The following CFAP53 variants were observed in gnomAD, a reference collection of about 807,000 sequenced individuals.
CFAP53 encodes the protein cilia- and flagella-associated protein 53.
CFAP53 carries 62 observed loss-of-function variants against 59.7 expected under a neutral mutation model. That is an observed-to-expected ratio of 1.04 (90% CI 0.85 to 1.28). CFAP53 has a LOEUF of 1.28. Ranked by LOEUF, CFAP53 falls within the 50% of genes most tolerant of loss-of-function variation. The pLI is 0.00. For synonymous variants in CFAP53, 218 were observed against 205.7 expected, an observed-to-expected ratio of 1.06 and a Z score of -0.51; for missense variants, 629 against 615.6, an observed-to-expected ratio of 1.02 and a Z score of -0.23.
In CFAP53 at chr18:50,239,185, C is replaced by T. The variant is rs1273655021; in HGVS notation, c.1214-480G>A. Among the ~76,000 whole-genome samples the T allele has an allele frequency of 3.3e-5, 5 of 151,562 alleles. No homozygotes were observed. In the East Asian group the frequency reaches 7.7e-4, roughly 23 times the overall value. On this transcript the variant is annotated intron_variant, in intron 6 of 7. Coordinates refer to ENST00000398545, the MANE Select transcript of CFAP53 (RefSeq NM_145020.5). The stretch of plus-strand genomic sequence containing the variant: ...GGTGGGTCACCTGAGGTCAGGAGTT[C>T]GAGACCAGCCCGGCCAACATGGTGA...
intron 3 of CFAP53, among the ~76,000 whole-genome samples, chr18:50,258,857 C>T (rs377244889): frequency 1.3e-4 from 20 of 152,262 alleles, no homozygotes; most frequent in African/African-American, 4.6e-4. Flanking sequence ...TGAAAAGGTG[C>T]CCAACATCAC....
intron 7 of CFAP53, among the ~76,000 whole-genome samples, chr18:50,235,130 C>G (rs1473159344): frequency 6.6e-6 from 1 of 152,120 alleles, no homozygotes; most frequent in Admixed American, 6.6e-5. Context: ...TAGCAAAAAA[C>G]TTTAGAAAAG....
At chr18:50,256,441 T>A (rs2033847445) in intron 3 of CFAP53, 1 of 152,174 alleles carries the variant, frequency 6.6e-6, no homozygotes, top group Non-Finnish European at 1.5e-5. Flanking sequence ...CCTGTAGAAC[T>A]CAGTTATCCA....
chr18:50,238,598 C>T lies in CFAP53; in HGVS notation c.1316+5G>A. ...CAAATGATGATACAGAAAACAAAAT[C>T]ATACCTTGCAAAATTCTCCTTCTCT... On this transcript the variant is annotated splice_donor_5th_base_variant and intron_variant, in intron 7 of 7. Transcript: ENST00000398545. The T allele has an allele frequency of 2.5e-6, 4 of 1,603,154 alleles. No homozygotes were observed. The highest frequency in any genetic ancestry group is 3.4e-6 in the Non-Finnish European group (4 of 1,173,258).
At chr18:50,261,003 C>T in intron 3 of CFAP53, 61 bp downstream of exon 3, 3 of 1,523,068 alleles carry the variant, frequency 2.0e-6, no homozygotes, top group Non-Finnish European at 2.7e-6. Context: ...AATTAGCATT[C>T]TTAAATCTAT....
chr18:50,227,767 T>C (rs1206244002), intron 7 of CFAP53, among the ~76,000 whole-genome samples, 158 bp from the exon 8 acceptor site: 1 of 152,084 alleles, frequency 6.6e-6, no homozygotes. Flanking sequence ...AATAATGGGT[T>C]TCTTACATAA....
At position 50,232,441 on chromosome 18, in the gene CFAP53, C is replaced by T. The variant is rs946389263; in HGVS notation, c.1317-4832G>A. Among the ~76,000 whole-genome samples, 9 of 152,164 alleles carry T rather than the reference C, an allele frequency of 5.9e-5. No homozygotes were observed. The South Asian group carries it at 1.4e-3, about 24-fold the overall frequency. On this transcript the variant is annotated intron_variant, in intron 7 of 7. Transcript: ENST00000398545. ...GCTCAACTGTTGGCTGCTTTACAAG[C>T]CCCAGCCCCTCCAGGTTTCCCTAAA...
chr18:50,249,265 C>A (rs886403637), intron 5 of CFAP53, among the ~76,000 whole-genome samples: 2 of 140,258 alleles, frequency 1.4e-5, no homozygotes, highest in Non-Finnish European at 3.1e-5. Context: ...TGCCTGTAAA[C>A]ACAACACTTT....
At chr18:50,228,934 T>C (rs1467238927) in intron 7 of CFAP53, among the ~76,000 whole-genome samples, 5 of 151,690 alleles carry the variant, frequency 3.3e-5, no homozygotes, top group African/African-American at 7.3e-5. Context: ...ACCTGATCTG[T>C]ACAAAAAAAT....
intron 6 of CFAP53, 67 bp from the exon 7 acceptor site, chr18:50,238,772 G>A (rs2033661153): frequency 8.8e-7 from 1 of 1,140,510 alleles, no homozygotes; most frequent in African/African-American, 1.5e-5. Flanking sequence ...ATCTTTCTGG[G>A]CACCAGAGTC....
At position 50,227,592 on chromosome 18, in the gene CFAP53, T is replaced by C; in HGVS notation, c.1334A>G (p.Gln445Arg). The C allele has an allele frequency of 6.2e-7, 1 of 1,614,066 alleles. No homozygotes were observed. Among genetic ancestry groups the C allele is most frequent in the East Asian group, 2.2e-5 (1 of 44,888 alleles). Residue 445 changes from glutamine to arginine, a missense_variant, in exon 8 of 8, where the codon CAG becomes CGG. Coordinates refer to ENST00000398545, the MANE Select transcript of CFAP53 (RefSeq NM_145020.5). ...ENFARRQRLAQEYRKQLQMQI... is the reference protein window; with the variant it reads ...ENFARRQRLAREYRKQLQMQI... ...CATCTGAAGTTGCTTCCTGTACTCC[T>C]GGGCTAAACGTTGGCGTCTAAAGTA...
chr18:50,244,583 T>C (rs963435014), intron 5 of CFAP53, among the ~76,000 whole-genome samples: 2 of 152,140 alleles, frequency 1.3e-5, no homozygotes, highest in Non-Finnish European at 1.5e-5. Flanking sequence ...AATATAAGAC[T>C]GGAGCAGAAA....
In CFAP53 at chr18:50,243,155, G is replaced by T. The variant is rs773821184; in HGVS notation, c.997-39C>A. The T allele has an allele frequency of 2.0e-5, 29 of 1,469,338 alleles. No homozygotes were observed. The Admixed American group carries it at 3.4e-4, about 17-fold the overall frequency. The allele number at this position is 1,469,338 out of a possible 1,614,324, so 91.0% of individuals were successfully genotyped here. On this transcript the variant is annotated intron_variant, in intron 5 of 7. Coordinates refer to ENST00000398545, the MANE Select transcript of CFAP53 (RefSeq NM_145020.5). ...AAATTCATATTGTTAAAATTTTTTG[G>T]TGTGATACTATAGTAAGGATACATT...
chr18:50,250,234 AAAAG>A (rs1288814320), intron 5 of CFAP53, among the ~76,000 whole-genome samples: 50 of 142,648 alleles, frequency 3.5e-4, no homozygotes, highest in African/African-American at 1.3e-3. Context: ...AAAAAAAAAA[AAAAG>A]AGAGAGAGAG....
At chr18:50,262,725 T>G (rs970171998) in intron 1 of CFAP53, among the ~76,000 whole-genome samples, 8 of 152,192 alleles carry the variant, frequency 5.3e-5, no homozygotes, top group Admixed American at 3.9e-4. Context: ...TACATGTGTG[T>G]ATATACATGT....
chr18:50,263,493 T>C (rs945851169), intron 1 of CFAP53, among the ~76,000 whole-genome samples: 1 of 152,164 alleles, frequency 6.6e-6, no homozygotes, highest in African/African-American at 2.4e-5. Context: ...CTGAACAAGA[T>C]AAGGCAAGCC....
chr18:50,260,605 G>A (rs1314351431), intron 3 of CFAP53, among the ~76,000 whole-genome samples: 1 of 152,126 alleles, frequency 6.6e-6, no homozygotes, highest in Non-Finnish European at 1.5e-5. Context: ...GGTGGAGGTT[G>A]TAGTCATGAT....
Position 50,238,668 on chromosome 18 carries a change from C to A in CFAP53, c.1251G>T (p.Met417Ile). 6.2e-7 allele frequency: 1 copy of A among 1,611,658 alleles called. No individual in the cohort carries two copies. The highest frequency in any genetic ancestry group is 8.5e-7 in the Non-Finnish European group (1 of 1,179,002). Residue 417 changes from methionine (M) to isoleucine (I), a missense_variant, in exon 7 of 8, where the codon ATG becomes ATT. Physicochemically the swap from Met to Ile is conservative, Grantham distance 10 (BLOSUM62 1). Coordinates refer to ENST00000398545, the MANE Select transcript of CFAP53 (RefSeq NM_145020.5). ...REAKEQEERA[M>I]EQKHINESLK... ...GACTTTCATTTATGTGTTTCTGTTC[C>A]ATAGCACGTTCTTCCTGTTCTTTAG... is the stretch of plus-strand genomic sequence containing the variant.
intron 3 of CFAP53, among the ~76,000 whole-genome samples, chr18:50,254,260 C>G (rs111696968): frequency 3.0e-4 from 44 of 146,052 alleles, no homozygotes; most frequent in African/African-American, 1.0e-3. Flanking sequence ...AAAAACTTAG[C>G]AGCTAAAACA....
Sources: allele counts gnomAD v4.1 joint callset (sites outside exome capture counted in the v4.1 genomes callset), GRCh38; gene constraint gnomAD v4.1.1; transcripts MANE v1.5; gene names NCBI Gene and HGNC (gene_info 2026-07-23, HGNC 2026-07-21).